TRAPPC10: variants seen among roughly 807,000 people sequenced by gnomAD.
TRAPPC10 encodes TRAPP 130 kDa subunit.
A neutral mutation model predicts 125.5 loss-of-function variants in TRAPPC10; 23 were observed. The observed-to-expected ratio is 0.18, with a 90% CI of 0.13 to 0.26. The LOEUF (loss-of-function observed/expected upper bound fraction) is 0.26, where lower values mean the gene tolerates loss of function less well. Ranked by LOEUF, TRAPPC10 falls within the 10% of genes least tolerant of loss-of-function variation. The probability of loss-of-function intolerance (pLI) is 1.00; values close to 1 mark genes in which losing one functional copy is unlikely to be tolerated. For missense variants in TRAPPC10, 1,123 were observed against 1,308.4 expected (o/e 0.86, Z 2.19); for synonymous variants, 509 against 518.0 (o/e 0.98, Z 0.24).
intron 1 of TRAPPC10, among the ~76,000 whole-genome samples, chr21:44,030,836 C>T (rs2838472): frequency 0.34 from 51,842 of 152,122 alleles, 13,233 homozygotes; most frequent in African/African-American, 0.72. Flanking sequence ...TTCAAACATA[C>T]TGTTTTTGTG....
chr21:44,067,061 C>T (rs2036506945), intron 7 of TRAPPC10, among the ~76,000 whole-genome samples: 1 of 152,140 alleles, frequency 6.6e-6, no homozygotes, highest in South Asian at 2.1e-4. Flanking sequence ...AGCGTTTGAC[C>T]TTTTATCACC....
intron 1 of TRAPPC10, among the ~76,000 whole-genome samples, chr21:44,015,253 G>A (rs1025420893): frequency 6.6e-6 from 1 of 152,096 alleles, no homozygotes; most frequent in African/African-American, 2.4e-5. Context: ...CAGTGAAAAT[G>A]CATTCTGCTT....
In TRAPPC10 at chr21:44,032,425, C is replaced by T. The variant is rs569222527; in HGVS notation, c.149+253C>T. Among the ~76,000 whole-genome samples the T allele has an allele frequency of 4.5e-4, 67 of 149,930 alleles. 1 individual carries two copies. In the Middle Eastern group the frequency reaches 0.014, roughly 32 times the overall value. On this transcript the variant is annotated intron_variant, in intron 2 of 22. Transcript: ENST00000291574. ...TGAGACAGAGTCTCGTTCTGTCGCC[C>T]AGGCTGGAGTGCAGTAGCGCAATCT...
intron 7 of TRAPPC10, among the ~76,000 whole-genome samples, chr21:44,071,636 C>T (rs2036875112): frequency 6.6e-6 from 1 of 152,154 alleles, no homozygotes; most frequent in South Asian, 2.1e-4. Flanking sequence ...GGCGGCACTG[C>T]AGAAAGGGTT....
chr21:44,033,348 T>C (rs2033735698), intron 2 of TRAPPC10, among the ~76,000 whole-genome samples: 1 of 152,162 alleles, frequency 6.6e-6, no homozygotes, highest in African/African-American at 2.4e-5. Flanking sequence ...CTGTGCTGAT[T>C]ATAGTGTCTT....
intron 15 of TRAPPC10, among the ~76,000 whole-genome samples, chr21:44,086,362 G>GC (rs1468095146): frequency 6.6e-6 from 1 of 152,184 alleles, no homozygotes; most frequent in African/African-American, 2.4e-5. Flanking sequence ...TAACCCAAAA[G>GC]CCCGTGGCCT....
At chr21:44,047,565 T>C (rs8130300) in intron 3 of TRAPPC10, among the ~76,000 whole-genome samples, 23,931 of 146,936 alleles carry the variant, frequency 0.16, 2,295 homozygotes, top group Non-Finnish European at 0.23. Context: ...TGTGTGTGTG[T>C]GCGCGCACAC....
chr21:44,070,653 G>C (rs1253965226), intron 7 of TRAPPC10, among the ~76,000 whole-genome samples: 1 of 152,236 alleles, frequency 6.6e-6, no homozygotes, highest in African/African-American at 2.4e-5. Flanking sequence ...TTGTTTGGAC[G>C]ACTCAAAGCC....
At chr21:44,067,182 C>T (rs535874081) in intron 7 of TRAPPC10, among the ~76,000 whole-genome samples, 7 of 152,306 alleles carry the variant, frequency 4.6e-5, no homozygotes, top group African/African-American at 1.2e-4. Context: ...GTGCATGGGA[C>T]GCCGTCGGAG....
chr21:44,047,062 A>C, intron 3 of TRAPPC10: 1 of 694,938 alleles, frequency 1.4e-6, no homozygotes, highest in South Asian at 1.4e-5. Context: ...GCTGAAGCTC[A>C]AGCAAGCAAG....
intron 3 of TRAPPC10, among the ~76,000 whole-genome samples, chr21:44,046,082 G>C (rs1050250632): frequency 6.6e-6 from 1 of 151,994 alleles, no homozygotes; most frequent in Non-Finnish European, 1.5e-5. Flanking sequence ...AATCCGAGCA[G>C]TATTTAAAAA....
Position 44,074,374 on chromosome 21 carries a change from G to C in TRAPPC10, c.1089G>C (p.Leu363=). 6.2e-7 allele frequency: 1 copy of C among 1,614,238 alleles called. No individual in the cohort carries two copies. Among genetic ancestry groups the C allele is most frequent in the Non-Finnish European group, 8.5e-7 (1 of 1,180,044 alleles). ...ALDCWVFLSC[L]EVLQRIEGCC... is the part of the protein sequence containing the mutation. ...ACTGCTGGGTGTTTCTGAGCTGTCT[G>C]GAGGTGTTGCAGAGGATAGAAGGCT... The change falls in exon 8 of 23, where the codon CTG becomes CTC. Residue 363 remains leucine (L), a synonymous_variant. Transcript: ENST00000291574.
At chr21:44,081,002 GTTCTTTTTTTTT>G (rs1448432253) in intron 13 of TRAPPC10, among the ~76,000 whole-genome samples, 9 of 83,726 alleles carry the variant, frequency 1.1e-4, no homozygotes, top group South Asian at 3.8e-4. Context: ...CAATATTATT[GTTCTTTTTTTTT>G]TTCTTTTTTT....
chr21:44,066,949 A>G (rs542855076), intron 7 of TRAPPC10, among the ~76,000 whole-genome samples: 2 of 152,342 alleles, frequency 1.3e-5, no homozygotes, highest in African/African-American at 4.8e-5. Context: ...TTTTGTCGCC[A>G]AATTAGAAGA....
At chr21:44,060,901 T>TATAC (rs202218006) in intron 6 of TRAPPC10, among the ~76,000 whole-genome samples, 2,278 of 143,676 alleles carry the variant, frequency 0.016, 54 homozygotes, top group African/African-American at 0.047. Flanking sequence ...ATGCCCAGCC[T>TATAC]ATACATACAT....
At chr21:44,058,992 A>G (rs2035829085) in intron 5 of TRAPPC10, 111 bp from the exon 6 acceptor site, 6 of 709,580 alleles carry the variant, frequency 8.5e-6, no homozygotes, top group East Asian at 2.7e-5. Flanking sequence ...GAGCGTAGAC[A>G]TTATTCATAG....
In TRAPPC10 at chr21:44,087,891, A is replaced by G. The variant is rs772573780; in HGVS notation, c.2732A>G (p.Gln911Arg). The change falls in exon 17 of 23, where the codon CAG (glutamine) becomes CGG (arginine). Residue 911 changes from glutamine to arginine, a missense_variant. Transcript: ENST00000291574. The surrounding 1 kb of genome is among the most constrained non-coding windows in gnomAD (Gnocchi z 4.6). ...CCCCACAGGAAGCATAAGGACAAAC[A>G]GAGAACTGGCCGCTGCATGGTTACC... ...AEPHRKHKDK[Q>R]RTGRCMVTTD... 5.6e-5 allele frequency: 91 copies of G among 1,613,972 alleles called. No homozygotes were observed. Among genetic ancestry groups the G allele is most frequent in the Non-Finnish European group, 7.1e-5 (84 of 1,180,016 alleles).
intron 18 of TRAPPC10, among the ~76,000 whole-genome samples, chr21:44,090,723 C>A (rs900274194): frequency 2.6e-5 from 4 of 152,174 alleles, no homozygotes; most frequent in Non-Finnish European, 4.4e-5. Context: ...CCTGGCCTCT[C>A]ACCACAACTT....
Position 44,067,572 on chromosome 21 carries a change from C to T in TRAPPC10, c.1038+3787C>T, listed in dbSNP as rs148991183. ...AATCATTCAAGAAACGTTTCCTTGCCTGCCAGGCACTGTGGGAGACAGGGA... is the reference window on the plus strand; with the variant it reads ...AATCATTCAAGAAACGTTTCCTTGCTTGCCAGGCACTGTGGGAGACAGGGA... On this transcript the variant is annotated intron_variant, in intron 7 of 22. Transcript: ENST00000291574. Among the ~76,000 whole-genome samples, 24 of 152,270 alleles carry T rather than the reference C, an allele frequency of 1.6e-4. 1 individual carries two copies. Among genetic ancestry groups the T allele is most frequent in the African/African-American group, 5.3e-4 (22 of 41,566 alleles).
Sources: allele counts gnomAD v4.1 joint callset (sites outside exome capture counted in the v4.1 genomes callset), GRCh38; gene constraint gnomAD v4.1.1; non-coding constraint Gnocchi (gnomAD v3.1); transcripts MANE v1.5; gene names NCBI Gene and HGNC (gene_info 2026-07-23, HGNC 2026-07-21).